The following TBL1Y variants were observed in gnomAD, a reference collection of about 807,000 sequenced individuals.
The protein encoded by TBL1Y is transducin beta like 1 Y-linked, also known as F-box-like/WD repeat-containing protein TBL1Y.
TBL1Y carries 15 observed loss-of-function variants against 12.0 expected under a neutral mutation model. The ratio of observed to expected loss-of-function variants is 1.25; its 90% CI spans 0.83 to 1.92. The LOEUF (loss-of-function observed/expected upper bound fraction) is 1.92. Among genes scored for constraint, TBL1Y ranks in the 40% most tolerant of loss-of-function variants. The probability of loss-of-function intolerance (pLI) is 0.00; values close to 1 mark genes in which losing one functional copy is unlikely to be tolerated. For synonymous variants in TBL1Y, 53 were observed against 42.6 expected (o/e 1.24, Z -0.95); for missense variants, 148 against 116.7 (o/e 1.27, Z -1.24).
chrY:7,070,188 T>C lies in TBL1Y; in HGVS notation c.458-8T>C. ...AAGCCATATGTCTCTTTGTGTTTCC[T>C]ATGACAGATAATCACTCAAAGCCAA... On this transcript the variant is annotated splice_region_variant and splice_polypyrimidine_tract_variant and intron_variant, in intron 8 of 18. Coordinates refer to ENST00000383032, the MANE Select transcript of TBL1Y (RefSeq NM_033284.2). 1 of 397,271 alleles carries C rather than the reference T, an allele frequency of 2.5e-6. No homozygotes were observed. Among genetic ancestry groups the C allele is most frequent in the South Asian group, 3.0e-5 (1 of 33,438 alleles).
At chrY:6,954,830 C>T in intron 2 of TBL1Y, among the ~76,000 whole-genome samples, 1 of 33,584 alleles carries the variant, frequency 3.0e-5, no homozygotes, top group Non-Finnish European at 7.3e-5. Context: ...ATTATGCCTT[C>T]AGTTAACAAA....
At chrY:7,061,843 A>G in intron 7 of TBL1Y, among the ~76,000 whole-genome samples, 1 of 31,356 alleles carries the variant, frequency 3.2e-5, no homozygotes, top group Non-Finnish European at 7.7e-5. Context: ...TACAAAGCCA[A>G]TGCCTGCCCC....
intron 6 of TBL1Y, among the ~76,000 whole-genome samples, chrY:7,039,675 T>C: frequency 3.0e-5 from 1 of 33,787 alleles, no homozygotes; most frequent in South Asian, 6.8e-4. Flanking sequence ...TCATTTGACA[T>C]CCTCATTGTA....
chrY:6,944,694 A>G, intron 2 of TBL1Y, among the ~76,000 whole-genome samples: 1 of 33,627 alleles, frequency 3.0e-5, no homozygotes, highest in Non-Finnish European at 7.4e-5. Flanking sequence ...TTCACTCAGC[A>G]TAGTGTTCTC....
At chrY:6,976,045 G>A (rs2012238310) in intron 2 of TBL1Y, among the ~76,000 whole-genome samples, 3 of 32,261 alleles carry the variant, frequency 9.3e-5, no homozygotes, top group Non-Finnish European at 2.3e-4. Flanking sequence ...CCATTCTCCT[G>A]TGTTAGCCTC....
At chrY:6,946,423 G>T in intron 2 of TBL1Y, among the ~76,000 whole-genome samples, 1 of 33,082 alleles carries the variant, frequency 3.0e-5, no homozygotes, top group Admixed American at 2.7e-4. Flanking sequence ...AAGTCCTAAA[G>T]ACATGTGCCC....
chrY:6,960,497 G>T, intron 2 of TBL1Y, among the ~76,000 whole-genome samples: 2 of 33,160 alleles, frequency 6.0e-5, no homozygotes, highest in African/African-American at 2.4e-4. Flanking sequence ...TTTGGTCGGG[G>T]TGAAGAAATC....
intron 2 of TBL1Y, among the ~76,000 whole-genome samples, chrY:6,945,656 C>A (rs2011980066): frequency 3.0e-5 from 1 of 33,289 alleles, no homozygotes; most frequent in Non-Finnish European, 7.4e-5. Flanking sequence ...AATGCTCTGG[C>A]CTTGGAGCGA....
chrY:7,080,568 C>T, intron 13 of TBL1Y, among the ~76,000 whole-genome samples, 164 bp from the exon 14 acceptor site: 1 of 33,193 alleles, frequency 3.0e-5, no homozygotes, highest in Non-Finnish European at 7.4e-5. Flanking sequence ...TGCCATGAGC[C>T]GTTAAGCCAC....
chrY:7,029,460 A>G (rs759181189), intron 6 of TBL1Y, among the ~76,000 whole-genome samples: 7 of 33,328 alleles, frequency 2.1e-4, no homozygotes, highest in African/African-American at 8.2e-4. Context: ...TTTTGTAGAG[A>G]CAGTGTCTCA....
At chrY:6,912,753 C>T (rs2011704950) in intron 2 of TBL1Y, among the ~76,000 whole-genome samples, 1 of 26,811 alleles carries the variant, frequency 3.7e-5, no homozygotes, top group Non-Finnish European at 8.4e-5. Context: ...TCGCTTGAAC[C>T]TGGGAGGTGG....
chrY:6,956,808 G>T (rs757196737), intron 2 of TBL1Y, among the ~76,000 whole-genome samples: 1 of 33,298 alleles, frequency 3.0e-5, no homozygotes, highest in East Asian at 8.1e-4. Flanking sequence ...TTTCACCAAA[G>T]AAAGTGTTCC....
chrY:7,068,587 C>T, intron 8 of TBL1Y, among the ~76,000 whole-genome samples: 1 of 31,662 alleles, frequency 3.2e-5, no homozygotes, highest in Non-Finnish European at 7.6e-5. Flanking sequence ...ATGCATTAGT[C>T]GCTACCCCTG....
intron 2 of TBL1Y, among the ~76,000 whole-genome samples, chrY:6,945,556 A>G (rs2011979428): frequency 3.1e-5 from 1 of 32,680 alleles, no homozygotes; most frequent in Admixed American, 2.9e-4. Context: ...CTACAGGCAC[A>G]AGCCACCCTG....
intron 5 of TBL1Y, among the ~76,000 whole-genome samples, chrY:7,021,954 T>C: frequency 3.0e-5 from 1 of 33,589 alleles, no homozygotes; most frequent in Non-Finnish European, 7.3e-5. Context: ...ATTAGTTTTT[T>C]AATATGATTT....
intron 13 of TBL1Y, among the ~76,000 whole-genome samples, chrY:7,076,331 G>C (rs1603050383): frequency 3.0e-5 from 1 of 32,869 alleles, no homozygotes; most frequent in African/African-American, 1.2e-4. Context: ...TTTTCTCCCC[G>C]CTGGCCCAAC....
intron 7 of TBL1Y, among the ~76,000 whole-genome samples, chrY:7,052,832 C>A (rs2012805295): frequency 2.9e-5 from 1 of 34,401 alleles, no homozygotes; most frequent in Admixed American, 2.6e-4. Flanking sequence ...AGGCTAAATT[C>A]TGGGAGCTAA....
chrY:7,090,895 G>C, intron 18 of TBL1Y, among the ~76,000 whole-genome samples: 1 of 33,851 alleles, frequency 3.0e-5, no homozygotes, highest in Non-Finnish European at 7.3e-5. Context: ...GCAGAGCTCA[G>C]TGATGCTACT....
At chrY:6,913,007 C>T in intron 2 of TBL1Y, among the ~76,000 whole-genome samples, 1 of 32,230 alleles carries the variant, frequency 3.1e-5, no homozygotes, top group Non-Finnish European at 7.5e-5. Flanking sequence ...CATTGATCTA[C>T]TGCTAGGTGC....
Sources: gnomAD v4.1 joint callset for allele counts (sites outside exome capture counted in the v4.1 genomes callset) on GRCh38, gnomAD v4.1.1 for gene constraint, MANE v1.5 for transcripts, NCBI Gene and HGNC (gene_info 2026-07-23, HGNC 2026-07-21) for gene names.